AAMDC: variants seen among roughly 807,000 people sequenced by gnomAD.
AAMDC encodes adipogenesis associated Mth938 domain containing.
AAMDC carries 16 observed loss-of-function variants against 15.5 expected under a neutral mutation model. The observed-to-expected ratio is 1.03, with a 90% confidence interval of 0.70 to 1.57. The LOEUF is 1.57. AAMDC is among the 40% of genes most tolerant of loss of function. The pLI is 0.00. For synonymous variants in AAMDC, 51 were observed against 51.6 expected (o/e 0.99, Z 0.05); for missense variants, 141 against 144.9 (o/e 0.97, Z 0.14).
chr11:77,855,946 T>G (rs1479126586), intron 2 of AAMDC, among the ~76,000 whole-genome samples: 2 of 152,020 alleles, frequency 1.3e-5, no homozygotes, highest in Non-Finnish European at 2.9e-5. Context: ...GGCAAAACCC[T>G]GGCTCTAGCA....
chr11:77,834,004 A>C (rs924834914), intron 1 of AAMDC, among the ~76,000 whole-genome samples: 1 of 152,218 alleles, frequency 6.6e-6, no homozygotes, highest in African/African-American at 2.4e-5. Context: ...AGATGAAGAA[A>C]ACTGCTTTTG....
intron 5 of AAMDC, among the ~76,000 whole-genome samples, chr11:77,890,698 C>G (rs958008648): frequency 6.6e-6 from 1 of 152,124 alleles, no homozygotes; most frequent in Non-Finnish European, 1.5e-5. Flanking sequence ...GCAACCACAG[C>G]ACTTAGTGCA....
chr11:77,837,923 A>T (rs1949759973), intron 1 of AAMDC, among the ~76,000 whole-genome samples: 2 of 152,200 alleles, frequency 1.3e-5, no homozygotes, highest in South Asian at 4.1e-4. Context: ...AAATTACAAA[A>T]TTAGCTGGAT....
chr11:77,878,567 C>A (rs1427656296), intron 5 of AAMDC: 2 of 517,658 alleles, frequency 3.9e-6, no homozygotes, highest in African/African-American at 3.9e-5. Context: ...CACACCGTCA[C>A]TTTAAGAAAT....
chr11:77,904,936 A>G (rs539125422), downstream of AAMDC, among the ~76,000 whole-genome samples: 2 of 152,322 alleles, frequency 1.3e-5, no homozygotes, highest in South Asian at 4.1e-4. Flanking sequence ...TGCCAAGCTG[A>G]CAAGGGGTGG....
intron 2 of AAMDC, among the ~76,000 whole-genome samples, chr11:77,847,327 T>C (rs1330665277): frequency 6.6e-6 from 1 of 152,230 alleles, no homozygotes; most frequent in Non-Finnish European, 1.5e-5. Flanking sequence ...TGGCATTTGG[T>C]TTAAGGAAAC....
At chr11:77,847,709 A>T (rs1950201435) in intron 2 of AAMDC, among the ~76,000 whole-genome samples, 1 of 152,226 alleles carries the variant, frequency 6.6e-6, no homozygotes, top group Non-Finnish European at 1.5e-5. Context: ...TGCAGAACTT[A>T]GTTTATATTG....
rs965414533 is a variant in AAMDC at position 77,863,812 on chromosome 11, C to T, written c.133-5910C>T. On this transcript the variant is annotated intron_variant, in intron 2 of 3. Transcript: ENST00000393427. ...TGACAGGTGTGAGCCTCTCTGCCTA[C>T]CCCTATAACTCTCATTATTGCAGCT... Among the ~76,000 whole-genome samples, 5 of 152,078 alleles carry T rather than the reference C, an allele frequency of 3.3e-5. No homozygotes were observed. In the South Asian group the frequency reaches 1.0e-3, roughly 32 times the overall value.
intron 5 of AAMDC, chr11:77,883,929 A>G: frequency 6.2e-7 from 1 of 1,613,300 alleles, no homozygotes; most frequent in Non-Finnish European, 8.5e-7. Flanking sequence ...GAATCATCTG[A>G]GCCTGGCCAT....
intron 2 of AAMDC, among the ~76,000 whole-genome samples, chr11:77,842,972 G>A (rs558521513): frequency 6.6e-6 from 1 of 152,144 alleles, no homozygotes; most frequent in Admixed American, 6.5e-5. Flanking sequence ...TCTACTTTCT[G>A]TTGTTATAGA....
chr11:77,869,571 C>A, intron 2 of AAMDC, 151 bp from the exon 3 acceptor site: 2 of 663,964 alleles, frequency 3.0e-6, no homozygotes, highest in Non-Finnish European at 2.6e-6. Context: ...GCCTCGTCAG[C>A]CTTCCTAAGT....
chr11:77,861,125 C>T lies in AAMDC; in HGVS notation c.133-8597C>T, dbSNP rs191998240. ...GCATTTTTTGCTCGTCCATATTGTC[C>T]TTCTGTTGCCCAGACTTCAGGATTA... is the stretch of plus-strand genomic sequence containing the variant. On this transcript the variant is annotated intron_variant, in intron 2 of 3. Coordinates refer to ENST00000393427, the MANE Select transcript of AAMDC (RefSeq NM_024684.4). Among the ~76,000 whole-genome samples, 42 of 152,172 alleles carry T rather than the reference C, an allele frequency of 2.8e-4. No individual in the cohort carries two copies. The East Asian group carries it at 7.3e-3, about 27-fold the overall frequency.
intron 5 of AAMDC, among the ~76,000 whole-genome samples, chr11:77,882,150 A>T (rs1215697697): frequency 6.6e-6 from 1 of 152,206 alleles, no homozygotes; most frequent in African/African-American, 2.4e-5. Flanking sequence ...TCTTGGGCTC[A>T]ATCGATCCTC....
At chr11:77,837,842 C>T (rs1257377038) in intron 1 of AAMDC, among the ~76,000 whole-genome samples, 2 of 152,030 alleles carry the variant, frequency 1.3e-5, no homozygotes, top group Non-Finnish European at 2.9e-5. Flanking sequence ...ATTGCTTGAG[C>T]CCAGGATTTG....
At chr11:77,844,211 T>A (rs1463603759) in intron 2 of AAMDC, among the ~76,000 whole-genome samples, 1 of 152,158 alleles carries the variant, frequency 6.6e-6, no homozygotes, top group Non-Finnish European at 1.5e-5. Flanking sequence ...ACTAATCTCA[T>A]TCATGAGGGC....
intron 2 of AAMDC, among the ~76,000 whole-genome samples, chr11:77,855,878 T>C (rs1950599970): frequency 6.6e-6 from 1 of 152,072 alleles, no homozygotes; most frequent in Middle Eastern, 3.4e-3. Flanking sequence ...GGTTATGAGG[T>C]GGGCCAAGGT....
chr11:77,876,456 A>G (rs1275058242), downstream of AAMDC, among the ~76,000 whole-genome samples: 6 of 151,706 alleles, frequency 4.0e-5, no homozygotes, highest in Admixed American at 6.6e-5. Flanking sequence ...GAGAAAAACT[A>G]AAATTCTCAT....
rs535373455 is a variant in AAMDC at position 77,821,161 on chromosome 11, C to T, written c.-99C>T. Reference sequence around the variant, plus strand: ...CGGAGGGCAGTTGGGGAGCGCAGATCCCGAAGCAGCGCTGGGAGCGTAAGT... The same window carrying T: ...CGGAGGGCAGTTGGGGAGCGCAGATTCCGAAGCAGCGCTGGGAGCGTAAGT... On this transcript the variant is annotated 5_prime_UTR_variant, in exon 1 of 4. Coordinates refer to ENST00000393427, the MANE Select transcript of AAMDC (RefSeq NM_024684.4). 40 of 384,142 alleles carry T rather than the reference C, an allele frequency of 1.0e-4. 1 individual carries two copies. The South Asian group carries it at 2.8e-3, about 27-fold the overall frequency. The allele number at this position is 384,142 out of a possible 1,614,324, so 23.8% of individuals were successfully genotyped here. A position where few individuals can be genotyped will look rare whatever the true frequency, so the allele number is the denominator to read the frequency against.
intron 1 of AAMDC, among the ~76,000 whole-genome samples, chr11:77,825,695 T>C (rs1191672974): frequency 6.6e-6 from 1 of 151,848 alleles, no homozygotes; most frequent in Non-Finnish European, 1.5e-5. Context: ...ACCCATTTTT[T>C]TTGTTTTTTT....
Sources: gnomAD v4.1 joint callset for allele counts (sites outside exome capture counted in the v4.1 genomes callset) on GRCh38, gnomAD v4.1.1 for gene constraint, MANE v1.5 for transcripts, NCBI Gene and HGNC (gene_info 2026-07-23, HGNC 2026-07-21) for gene names.